Variants in PAMR1 observed in about 807,000 individuals in gnomAD.
The protein encoded by PAMR1 is peptidase domain containing associated with muscle regeneration 1, also known as inactive serine protease PAMR1.
PAMR1 carries 88 observed loss-of-function variants against 81.8 expected under a neutral mutation model. That is an observed-to-expected ratio of 1.08 (90% confidence interval 0.91 to 1.28). PAMR1 has a LOEUF of 1.28. Ranked by LOEUF, PAMR1 falls within the 50% of genes most tolerant of loss-of-function variation. The probability of loss-of-function intolerance (pLI) is 0.00; values close to 1 mark genes in which losing one functional copy is unlikely to be tolerated. For missense variants in PAMR1, 935 were observed against 919.7 expected (o/e 1.02, Z -0.21); for synonymous variants, 336 against 345.3 (o/e 0.97, Z 0.30).
intron 1 of PAMR1, among the ~76,000 whole-genome samples, chr11:35,508,672 A>T (rs549468820): frequency 1.3e-5 from 2 of 151,936 alleles, no homozygotes; most frequent in Non-Finnish European, 2.9e-5. Flanking sequence ...ATATCTTTTT[A>T]TGCTCATTCT....
intron 6 of PAMR1, among the ~76,000 whole-genome samples, chr11:35,448,904 C>T (rs777417122): frequency 6.6e-6 from 1 of 152,172 alleles, no homozygotes; most frequent in Non-Finnish European, 1.5e-5. Flanking sequence ...AGGGCTGCTG[C>T]CGTTTGCTGG....
chr11:35,466,266 A>G (rs1219169573), intron 6 of PAMR1, among the ~76,000 whole-genome samples: 2 of 152,222 alleles, frequency 1.3e-5, no homozygotes, highest in Admixed American at 1.3e-4. Context: ...GCAGGCTCAA[A>G]TGAGGCAAGA....
At chr11:35,454,172 C>G (rs1159891580) in intron 6 of PAMR1, among the ~76,000 whole-genome samples, 1 of 152,184 alleles carries the variant, frequency 6.6e-6, no homozygotes, top group African/African-American at 2.4e-5. Flanking sequence ...TTTGCCAGCT[C>G]AAGGCACCCA....
intron 1 of PAMR1, among the ~76,000 whole-genome samples, chr11:35,519,291 C>A (rs1333327680): frequency 6.6e-6 from 1 of 152,136 alleles, no homozygotes; most frequent in Non-Finnish European, 1.5e-5. Flanking sequence ...CTGCAATATT[C>A]ATCAACTATG....
chr11:35,523,339 T>G (rs564344223), intron 1 of PAMR1, among the ~76,000 whole-genome samples: 1 of 152,366 alleles, frequency 6.6e-6, no homozygotes, highest in East Asian at 1.9e-4. Context: ...GCAACACTTG[T>G]GAAGTTCTCC....
intron 1 of PAMR1, among the ~76,000 whole-genome samples, chr11:35,500,706 C>T (rs1463933896): frequency 6.6e-6 from 1 of 152,206 alleles, no homozygotes; most frequent in African/African-American, 2.4e-5. Flanking sequence ...TAAGCAATTT[C>T]ATCGTTGTGT....
chr11:35,490,629 G>A (rs1287034003), intron 3 of PAMR1, among the ~76,000 whole-genome samples: 1 of 152,108 alleles, frequency 6.6e-6, no homozygotes. Context: ...TCGGAAGAAA[G>A]GAAAATAAAT....
At chr11:35,468,171 G>T in intron 5 of PAMR1, 63 bp from the exon 6 acceptor site, 1 of 975,548 alleles carries the variant, frequency 1.0e-6, no homozygotes, top group Non-Finnish European at 1.6e-6. Context: ...CAGGCCCAGA[G>T]TCTTGACCAA....
At chr11:35,443,928 T>G (rs1446114600) in intron 6 of PAMR1, among the ~76,000 whole-genome samples, 1 of 152,234 alleles carries the variant, frequency 6.6e-6, no homozygotes, top group African/African-American at 2.4e-5. Context: ...TCGTTGTGGT[T>G]ATTTACATTT....
chr11:35,498,692 C>T (rs1850773075), intron 1 of PAMR1, among the ~76,000 whole-genome samples: 1 of 152,180 alleles, frequency 6.6e-6, no homozygotes. Context: ...CCGACTCCGT[C>T]CACCTTTTCC....
chr11:35,458,591 A>T (rs1565334755), intron 6 of PAMR1, among the ~76,000 whole-genome samples: 1 of 152,198 alleles, frequency 6.6e-6, no homozygotes, highest in African/African-American at 2.4e-5. Flanking sequence ...AAGGAAACAG[A>T]TCCAGAGTCA....
At chr11:35,439,219 C>A (rs904481668) in intron 8 of PAMR1, among the ~76,000 whole-genome samples, 2 of 152,216 alleles carry the variant, frequency 1.3e-5, no homozygotes, top group African/African-American at 4.8e-5. Context: ...TGCCTCATCT[C>A]ACTGGTTACC....
At chr11:35,514,693 A>G (rs1229103972) in intron 1 of PAMR1, among the ~76,000 whole-genome samples, 2 of 152,218 alleles carry the variant, frequency 1.3e-5, no homozygotes. Flanking sequence ...AATGCATCTA[A>G]AAATATTTGG....
At chr11:35,500,344 G>A (rs752080774) in intron 1 of PAMR1, among the ~76,000 whole-genome samples, 3 of 152,126 alleles carry the variant, frequency 2.0e-5, no homozygotes, top group Non-Finnish European at 4.4e-5. Context: ...AGGGTGAATC[G>A]ATGAACTCAT....
chr11:35,444,426 A>G (rs1227346873), intron 6 of PAMR1, among the ~76,000 whole-genome samples: 2 of 151,976 alleles, frequency 1.3e-5, no homozygotes, highest in Admixed American at 1.3e-4. Flanking sequence ...GCCTGTGCCT[A>G]TGTTGTATGG....
intron 1 of PAMR1, among the ~76,000 whole-genome samples, chr11:35,511,840 G>T (rs1327025765): frequency 6.6e-6 from 1 of 152,134 alleles, no homozygotes; most frequent in Non-Finnish European, 1.5e-5. Flanking sequence ...GCTCCATGGG[G>T]CTGATGACAC....
intron 6 of PAMR1, among the ~76,000 whole-genome samples, chr11:35,464,468 C>T (rs1166600041): frequency 6.6e-6 from 1 of 152,194 alleles, no homozygotes; most frequent in Non-Finnish European, 1.5e-5. Context: ...GGGGCCTGTC[C>T]TGTGCAGTGT....
intron 8 of PAMR1, among the ~76,000 whole-genome samples, chr11:35,437,074 G>A (rs951630205): frequency 1.3e-5 from 2 of 152,170 alleles, no homozygotes; most frequent in Admixed American, 6.5e-5. Context: ...GGAGAAATAT[G>A]AAGCATTGCA....
At position 35,525,195 on chromosome 11, in the gene PAMR1, A is replaced by C. The variant is rs181615965; in HGVS notation, c.73+318T>G. 6.6e-5 allele frequency among the ~76,000 whole-genome samples: 10 copies of C among 152,290 alleles called. 1 individual carries two copies. The highest frequency in any genetic ancestry group is 2.4e-4 in the African/African-American group (10 of 41,564). ...CGGGTAACTCAGAATTGATTCCCTA[A>C]GGCAATTTGGTACTTTTAAAATGAT... On this transcript the variant is annotated intron_variant, in intron 1 of 10. Coordinates refer to ENST00000619888, the MANE Select transcript of PAMR1 (RefSeq NM_001001991.3).
Sources: gnomAD v4.1 joint callset for allele counts (sites outside exome capture counted in the v4.1 genomes callset) on GRCh38, gnomAD v4.1.1 for gene constraint, MANE v1.5 for transcripts, NCBI Gene and HGNC (gene_info 2026-07-23, HGNC 2026-07-21) for gene names.